TTC9C: variants seen among roughly 807,000 people sequenced by gnomAD.
The protein encoded by TTC9C is tetratricopeptide repeat domain 9C.
Under a neutral mutation model 22.5 loss-of-function variants are expected in TTC9C, and 15 were observed. The observed-to-expected ratio is 0.67, with a 90% CI of 0.45 to 1.03. The LOEUF is 1.03. TTC9C is among the 50% of genes least tolerant of loss of function. The pLI, the probability that TTC9C is intolerant of heterozygous loss-of-function variation, is 0.00. For synonymous variants in TTC9C, 92 were observed against 86.8 expected, an observed-to-expected ratio of 1.06 and a Z score of -0.33; for missense variants, 244 against 214.6, an observed-to-expected ratio of 1.14 and a Z score of -0.86.
intron 2 of TTC9C, chr11:62,736,328 G>C (rs1307080025): frequency 6.6e-6 from 1 of 151,544 alleles, no homozygotes; most frequent in African/African-American, 2.4e-5. Context: ...GATCACCTGA[G>C]GTCAGGATTT....
chr11:62,736,714 G>A (rs922233373), intron 2 of TTC9C, among the ~76,000 whole-genome samples: 3 of 151,502 alleles, frequency 2.0e-5, no homozygotes, highest in Non-Finnish European at 4.4e-5. Context: ...AAAAAAGCTG[G>A]GCGTGATGGC....
At chr11:62,730,522 C>G (rs948370791) in intron 1 of TTC9C, among the ~76,000 whole-genome samples, 1 of 152,234 alleles carries the variant, frequency 6.6e-6, no homozygotes, top group Admixed American at 6.5e-5. Context: ...ATTGGCATCT[C>G]ATCACACTTA....
In TTC9C at chr11:62,728,842, G is replaced by A. The variant is rs540533652; in HGVS notation, c.-7G>A. 9.3e-6 allele frequency: 15 copies of A among 1,613,796 alleles called. No homozygotes were observed. The highest frequency in any genetic ancestry group is 1.2e-5 in the Non-Finnish European group (14 of 1,179,874). On this transcript the variant is annotated 5_prime_UTR_variant, in exon 1 of 3. Coordinates refer to ENST00000316461, the MANE Select transcript of TTC9C (RefSeq NM_173810.4). The stretch of plus-strand genomic sequence containing the variant: ...TCCCAGTTCCGCAAGAACCGTGGGC[G>A]ACAGTTATGGAGAAGCGTCTGCAGG...
intron 1 of TTC9C, among the ~76,000 whole-genome samples, chr11:62,732,238 G>A (rs1036231738): frequency 3.3e-5 from 5 of 151,060 alleles, no homozygotes; most frequent in Non-Finnish European, 5.9e-5. Context: ...CTCATGATCT[G>A]CCTGCCTCAG....
chr11:62,728,728 G>C lies in TTC9C; in HGVS notation c.-121G>C, dbSNP rs2083799085. On this transcript the variant is annotated 5_prime_UTR_variant, in exon 1 of 3. Transcript: ENST00000316461. ...CAGGTCCCTGTGGGGGGACTCTCCA[G>C]GAAGAAGGGTAATTTCCTGCCTCCT... 9.2e-6 allele frequency: 9 copies of C among 973,174 alleles called. No individual in the cohort carries two copies. The highest frequency in any genetic ancestry group is 1.4e-5 in the Non-Finnish European group (9 of 623,948). The allele number at this position is 973,174 out of a possible 1,614,324, so 60.3% of individuals were successfully genotyped here.
At chr11:62,737,757 G>A (rs1036292996) in intron 2 of TTC9C, among the ~76,000 whole-genome samples, 1 of 152,142 alleles carries the variant, frequency 6.6e-6, no homozygotes, top group African/African-American at 2.4e-5. Flanking sequence ...CAGTGTCCAG[G>A]CATGGTGGCT....
chr11:62,728,945 C>G lies in TTC9C; in HGVS notation c.97C>G (p.Arg33Gly). ...KYRDAVSRYH[R>G]ALLQLRGLDP... ...CCGAGATGCTGTGAGTAGGTACCAT[C>G]GAGCTCTGCTTCAGCTGCGGGGTCT... The change falls in exon 1 of 3, where the codon CGA (arginine) becomes GGA (glycine). Residue 33 changes from arginine (R) to glycine (G), a missense_variant. By Grantham distance (125) the Arg-to-Gly change is moderately radical. Transcript: ENST00000316461. 1 of 1,614,158 alleles carries G rather than the reference C, an allele frequency of 6.2e-7. No individual in the cohort carries two copies. The highest frequency in any genetic ancestry group is 8.5e-7 in the Non-Finnish European group (1 of 1,180,022).
At chr11:62,732,334 C>T (rs939182898) in intron 1 of TTC9C, among the ~76,000 whole-genome samples, 2 of 151,766 alleles carry the variant, frequency 1.3e-5, no homozygotes, top group African/African-American at 4.8e-5. Context: ...TTGGGCCGGG[C>T]ATGGTGGCTC....
rs514401 is a variant in TTC9C at position 62,733,032 on chromosome 11, C to T, written c.239-2350C>T. 7.3e-3 allele frequency: 4,975 copies of T among 680,452 alleles called. 203 individuals carry two copies. The African/African-American group carries it at 0.086, about 12-fold the overall frequency. The allele number at this position is 680,452 out of a possible 1,614,324, so 42.2% of individuals were successfully genotyped here. On this transcript the variant is annotated intron_variant, in intron 1 of 2. Coordinates refer to ENST00000316461, the MANE Select transcript of TTC9C (RefSeq NM_173810.4). ...GTTGTAGAAGGGATACAGACATCAGCACAGGCCCTTTAATGTGCTCATCAC... is the reference window on the plus strand; with the variant it reads ...GTTGTAGAAGGGATACAGACATCAGTACAGGCCCTTTAATGTGCTCATCAC...
At chr11:62,731,659 C>T (rs1240178170) in intron 1 of TTC9C, among the ~76,000 whole-genome samples, 1 of 151,840 alleles carries the variant, frequency 6.6e-6, no homozygotes, top group Non-Finnish European at 1.5e-5. Context: ...TTCATTCATT[C>T]TCTGTCCCGA....
At chr11:62,735,647 T>C in intron 2 of TTC9C, 83 bp downstream of exon 2, 2 of 1,460,912 alleles carry the variant, frequency 1.4e-6, no homozygotes, top group East Asian at 4.9e-5. Flanking sequence ...TATTTTACTT[T>C]GCCAATGTAT....
Position 62,738,409 on chromosome 11 carries a change from G to T in TTC9C, c.*27G>T. 1 of 1,464,038 alleles carries T rather than the reference G, an allele frequency of 6.8e-7. No homozygotes were observed. Among genetic ancestry groups the T allele is most frequent in the South Asian group, 1.2e-5 (1 of 85,678 alleles). 90.7% of individuals were successfully genotyped at this position (1,464,038 alleles called of 1,614,324 possible). On this transcript the variant is annotated 3_prime_UTR_variant, in exon 3 of 3. Transcript: ENST00000316461. ...AAAGAAGAAAGATGCTCCTCCAGTT[G>T]AACTTAGGTGGACCATTAAACATGC...
intron 2 of TTC9C, chr11:62,736,247 T>C (rs1590915291): frequency 8.1e-6 from 1 of 122,962 alleles, no homozygotes; most frequent in African/African-American, 3.1e-5. Context: ...AAAAAAACAG[T>C]GTTGTTTTTT....
intron 1 of TTC9C, among the ~76,000 whole-genome samples, chr11:62,730,741 T>G (rs930619613): frequency 6.6e-6 from 1 of 151,896 alleles, no homozygotes; most frequent in Admixed American, 6.6e-5. Flanking sequence ...GCCCTGCTAA[T>G]TTTGTATTTT....
chr11:62,728,815 C>G lies in TTC9C; in HGVS notation c.-34C>G, dbSNP rs781644880. 4 of 1,608,950 alleles carry G rather than the reference C, an allele frequency of 2.5e-6. No individual in the cohort carries two copies. The African/African-American group carries it at 4.0e-5, about 16-fold the overall frequency. ...CCCCAGAGCTTCACTTGCTCCTTCA[C>G]TTCCCAGTTCCGCAAGAACCGTGGG... On this transcript the variant is annotated 5_prime_UTR_variant, in exon 1 of 3. Transcript: ENST00000316461.
chr11:62,730,309 A>G (rs1322674949), intron 1 of TTC9C, among the ~76,000 whole-genome samples: 5 of 152,146 alleles, frequency 3.3e-5, no homozygotes, highest in Admixed American at 2.6e-4. Context: ...TCCTGACCTC[A>G]GGTGATTCGC....
chr11:62,738,262 T>C, intron 2 of TTC9C, 26 bp from the exon 3 acceptor site: 1 of 1,494,986 alleles, frequency 6.7e-7, no homozygotes, highest in South Asian at 1.1e-5. Flanking sequence ...TAACTGTTTC[T>C]AATTGCTTCT....
chr11:62,734,110 C>T (rs1469384513), intron 1 of TTC9C, among the ~76,000 whole-genome samples: 1 of 151,854 alleles, frequency 6.6e-6, no homozygotes, highest in Non-Finnish European at 1.5e-5. Context: ...ACAAGCCTGG[C>T]CAACATGGCG....
intron 1 of TTC9C, among the ~76,000 whole-genome samples, chr11:62,732,644 G>C (rs1292794846): frequency 6.7e-6 from 1 of 149,822 alleles, no homozygotes; most frequent in East Asian, 2.0e-4. Flanking sequence ...ACTTGGGCCA[G>C]GTGCGGTGGC....
Sources: allele counts gnomAD v4.1 joint callset (sites outside exome capture counted in the v4.1 genomes callset), GRCh38; gene constraint gnomAD v4.1.1; transcripts MANE v1.5; gene names NCBI Gene and HGNC (gene_info 2026-07-23, HGNC 2026-07-21).